Variants in TYR observed in about 807,000 individuals in gnomAD.
TYR encodes tyrosinase, also known as LB24-AB.
In TYR, 58 loss-of-function variants were observed where a neutral mutation model predicts 51.5. The ratio of observed to expected loss-of-function variants is 1.13; its 90% CI spans 0.91 to 1.40. TYR has a LOEUF of 1.40. Ranked by LOEUF, TYR falls within the 40% of genes most tolerant of loss-of-function variation. The pLI is 0.00. For missense variants in TYR, 732 were observed against 647.4 expected (o/e 1.13, Z -1.42); for synonymous variants, 263 against 235.2 (o/e 1.12, Z -1.08).
chr11:89,238,949 G>C (rs1337758087), intron 3 of TYR, among the ~76,000 whole-genome samples: 4 of 152,056 alleles, frequency 2.6e-5, no homozygotes, highest in Non-Finnish European at 4.4e-5. Context: ...TAGTGAACCA[G>C]CCTTCTGTTG....
intron 3 of TYR, among the ~76,000 whole-genome samples, chr11:89,230,617 T>A (rs1944034402): frequency 6.6e-6 from 1 of 152,014 alleles, no homozygotes; most frequent in Non-Finnish European, 1.5e-5. Context: ...GAGAATATAT[T>A]TGCAAACTAT....
chr11:89,268,453 G>T (rs7927996), intron 3 of TYR, among the ~76,000 whole-genome samples: 16,095 of 151,810 alleles, frequency 0.11, 1,604 homozygotes, highest in African/African-American at 0.26. Context: ...GAACAATAAT[G>T]TATGTTAAAT....
intron 2 of TYR, among the ~76,000 whole-genome samples, chr11:89,221,369 T>C (rs1393094038): frequency 6.6e-6 from 1 of 152,204 alleles, no homozygotes; most frequent in Non-Finnish European, 1.5e-5. Context: ...CAAAGAAATC[T>C]CCTGAGTCAA....
At chr11:89,288,996 T>A (rs1271557704) in intron 4 of TYR, among the ~76,000 whole-genome samples, 1 of 152,070 alleles carries the variant, frequency 6.6e-6, no homozygotes, top group East Asian at 1.9e-4. Context: ...GCAGCTGATG[T>A]CTGCCATTTA....
At chr11:89,236,093 C>T (rs562392710) in intron 3 of TYR, among the ~76,000 whole-genome samples, 3 of 152,118 alleles carry the variant, frequency 2.0e-5, no homozygotes, top group Non-Finnish European at 2.9e-5. Context: ...TGGATGCTTT[C>T]GGGCTACAAT....
chr11:89,245,355 A>T (rs1384413738), intron 3 of TYR, among the ~76,000 whole-genome samples: 1 of 152,216 alleles, frequency 6.6e-6, no homozygotes, highest in African/African-American at 2.4e-5. Flanking sequence ...AATAGACTGA[A>T]ATTCCGAGAG....
intron 1 of TYR, among the ~76,000 whole-genome samples, chr11:89,188,936 C>A (rs975982088): frequency 6.6e-6 from 1 of 151,922 alleles, no homozygotes; most frequent in Non-Finnish European, 1.5e-5. Context: ...GAAATAGATA[C>A]CCAAACCAAG....
intron 1 of TYR, among the ~76,000 whole-genome samples, chr11:89,179,820 A>C (rs866769523): frequency 3.3e-5 from 5 of 152,220 alleles, no homozygotes; most frequent in African/African-American, 1.2e-4. Context: ...TAACCAAAGA[A>C]ATATGTGCTT....
intron 2 of TYR, among the ~76,000 whole-genome samples, chr11:89,214,387 T>C (rs1341254674): frequency 1.3e-5 from 2 of 152,178 alleles, no homozygotes; most frequent in Non-Finnish European, 2.9e-5. Flanking sequence ...AAACAACAGA[T>C]GCTAGAGAGG....
intron 2 of TYR, among the ~76,000 whole-genome samples, chr11:89,221,048 T>C (rs1433748174): frequency 6.6e-6 from 1 of 152,228 alleles, no homozygotes. Flanking sequence ...TGATTTGTCA[T>C]TGTCTTTGTG....
At chr11:89,254,627 G>GA (rs2135302150) in intron 3 of TYR, among the ~76,000 whole-genome samples, 1 of 151,768 alleles carries the variant, frequency 6.6e-6, no homozygotes, top group African/African-American at 2.4e-5. Context: ...GCTCATAGTA[G>GA]CCTTGAATGA....
At chr11:89,289,609 C>T (rs1286527394) in intron 4 of TYR, among the ~76,000 whole-genome samples, 5 of 152,010 alleles carry the variant, frequency 3.3e-5, no homozygotes, top group African/African-American at 7.2e-5. Flanking sequence ...CCCAACTCCC[C>T]GCCTACAGGT....
chr11:89,222,125 T>G (rs1347966421), intron 2 of TYR, among the ~76,000 whole-genome samples: 1 of 152,156 alleles, frequency 6.6e-6, no homozygotes, highest in Non-Finnish European at 1.5e-5. Context: ...GGCAGAAGGA[T>G]TTTTGGACTG....
chr11:89,279,549 G>T (rs889784428), intron 3 of TYR, among the ~76,000 whole-genome samples: 1 of 151,638 alleles, frequency 6.6e-6, no homozygotes, highest in African/African-American at 2.4e-5. Context: ...AATTTTCCCT[G>T]GGTCTTTGGC....
chr11:89,223,598 T>A (rs1225191575), intron 2 of TYR, among the ~76,000 whole-genome samples: 2 of 152,226 alleles, frequency 1.3e-5, no homozygotes, highest in Non-Finnish European at 2.9e-5. Context: ...CTCTGTAGGA[T>A]ATATAAGTGA....
intron 2 of TYR, among the ~76,000 whole-genome samples, chr11:89,221,823 C>A (rs1475123503): frequency 6.6e-6 from 1 of 152,134 alleles, no homozygotes; most frequent in Non-Finnish European, 1.5e-5. Context: ...GTTAAAAATG[C>A]ACTTAAATGA....
intron 3 of TYR, among the ~76,000 whole-genome samples, chr11:89,259,362 C>G (rs1011746593): frequency 1.3e-5 from 2 of 152,020 alleles, no homozygotes; most frequent in Non-Finnish European, 2.9e-5. Context: ...TCTTTTTAGT[C>G]TTTTTCTCAA....
intron 3 of TYR, among the ~76,000 whole-genome samples, chr11:89,246,757 C>T (rs140976012): frequency 1.3e-5 from 2 of 151,954 alleles, no homozygotes; most frequent in Non-Finnish European, 1.5e-5. Context: ...TCAAACCAGA[C>T]GCCTTGCCAA....
At chr11:89,210,432 G>T (rs1027817513) in intron 2 of TYR, among the ~76,000 whole-genome samples, 1 of 151,916 alleles carries the variant, frequency 6.6e-6, no homozygotes, top group Non-Finnish European at 1.5e-5. Flanking sequence ...AAAAAAGAAT[G>T]AAAAGAAACA....
Sources: allele counts gnomAD v4.1 joint callset (sites outside exome capture counted in the v4.1 genomes callset), GRCh38; gene constraint gnomAD v4.1.1; transcripts MANE v1.5; gene names NCBI Gene and HGNC (gene_info 2026-07-23, HGNC 2026-07-21).